Variants in PPDPFL observed in about 807,000 individuals in gnomAD.
The protein encoded by PPDPFL is pancreatic progenitor cell differentiation and proliferation factor-like protein.
A neutral mutation model predicts 12.6 loss-of-function variants in PPDPFL; 12 were observed. That is an observed-to-expected ratio of 0.95 (90% confidence interval 0.61 to 1.54). PPDPFL has a LOEUF of 1.54. Among genes scored for constraint, PPDPFL ranks in the 40% most tolerant of loss-of-function variants. The pLI is 0.00. For missense variants in PPDPFL, 114 were observed against 96.0 expected, an observed-to-expected ratio of 1.19 and a Z score of -0.78; for synonymous variants, 24 against 32.7, an observed-to-expected ratio of 0.73 and a Z score of 0.91.
Position 49,075,316 on chromosome 8 carries a change from G to A in PPDPFL, c.*143G>A. On this transcript the variant is annotated 3_prime_UTR_variant, in exon 5 of 5. Transcript: ENST00000522267. ...TGAACAGCTCCCCTTCAGCGCCCCA[G>A]CTATTCCAGGACTCTTCTCCATTGT... 1 of 1,528,714 alleles carries A rather than the reference G, an allele frequency of 6.5e-7. No homozygotes were observed. The allele number at this position is 1,528,714 out of a possible 1,614,324, so 94.7% of individuals were successfully genotyped here.
upstream of PPDPFL, among the ~76,000 whole-genome samples, chr8:49,070,838 TATC>T (rs1479747004): frequency 6.6e-6 from 1 of 152,188 alleles, no homozygotes; most frequent in East Asian, 1.9e-4. Context: ...AACACAGCCA[TATC>T]ATATGGTTCT....
chr8:49,056,959 GCA>G (rs1417463608), intron 1 of PPDPFL, among the ~76,000 whole-genome samples: 1 of 152,164 alleles, frequency 6.6e-6, no homozygotes, highest in Non-Finnish European at 1.5e-5. Context: ...ATTTGATGAT[GCA>G]CAGATACCCC....
chr8:49,059,617 C>T (rs1193037752), intron 1 of PPDPFL, among the ~76,000 whole-genome samples: 3 of 152,130 alleles, frequency 2.0e-5, no homozygotes, highest in Admixed American at 6.6e-5. Context: ...ACCTAAAATT[C>T]CATACCTCTT....
upstream of PPDPFL, among the ~76,000 whole-genome samples, chr8:49,068,532 C>T (rs2137013): frequency 0.52 from 79,422 of 151,974 alleles, 21,894 homozygotes; most frequent in East Asian, 0.84. Flanking sequence ...CAAGACTTCA[C>T]AGTAATCATG....
chr8:49,074,411 T>C (rs1236141776), intron 4 of PPDPFL, 78 bp downstream of exon 4: 7 of 1,575,194 alleles, frequency 4.4e-6, no homozygotes, highest in Non-Finnish European at 6.1e-6. Flanking sequence ...GTTATGCTAC[T>C]CACTTAGGGT....
intron 1 of PPDPFL, among the ~76,000 whole-genome samples, chr8:49,062,785 G>A (rs1437556845): frequency 1.3e-5 from 2 of 152,154 alleles, no homozygotes; most frequent in Non-Finnish European, 2.9e-5. Context: ...GGTCTCAAGA[G>A]CATTGCTTCA....
At chr8:49,062,534 A>T (rs938316278) in intron 1 of PPDPFL, among the ~76,000 whole-genome samples, 3 of 152,198 alleles carry the variant, frequency 2.0e-5, no homozygotes, top group Admixed American at 6.5e-5. Context: ...AGTTTCACTG[A>T]GAAAATCAGT....
At chr8:49,056,167 C>T (rs1808109609) in intron 1 of PPDPFL, among the ~76,000 whole-genome samples, 1 of 152,172 alleles carries the variant, frequency 6.6e-6, no homozygotes, top group African/African-American at 2.4e-5. Context: ...TTGTTCTCTA[C>T]TGACTTCTCT....
At chr8:49,069,674 C>T (rs192841101), upstream of PPDPFL, among the ~76,000 whole-genome samples, 60 of 152,268 alleles carry the variant, frequency 3.9e-4, no homozygotes, top group Admixed American at 3.4e-3. Flanking sequence ...ATCATAAAGA[C>T]GCCTGTAATC....
chr8:49,055,476 C>A (rs536101731), intron 1 of PPDPFL, among the ~76,000 whole-genome samples: 4 of 152,302 alleles, frequency 2.6e-5, no homozygotes, highest in African/African-American at 9.6e-5. Flanking sequence ...GTCCTGGTCT[C>A]AGCCTTTTGT....
Position 49,075,166 on chromosome 8 carries a change from C to G in PPDPFL, c.248C>G (p.Thr83Ser), listed in dbSNP as rs1563302530. The change falls in exon 5 of 5, where the codon ACT becomes AGT. Residue 83 changes from threonine to serine, a missense_variant. Transcript: ENST00000522267. ...DLSATGLQMS[T>S]L ...AATCAACCCAGATTACAGATGAGCA[C>G]TTTGTAGCTGATCATCTTTGCACTG... 1 of 1,613,090 alleles carries G rather than the reference C, an allele frequency of 6.2e-7. No individual in the cohort carries two copies. The highest frequency in any genetic ancestry group is 1.7e-5 in the Admixed American group (1 of 60,022).
intron 1 of PPDPFL, among the ~76,000 whole-genome samples, chr8:49,058,977 G>C (rs971955204): frequency 2.6e-5 from 4 of 152,310 alleles, no homozygotes; most frequent in Non-Finnish European, 5.9e-5. Flanking sequence ...GCTTGGAACA[G>C]TATATTGCAC....
Position 49,074,040 on chromosome 8 carries a change from T to A in PPDPFL, c.56-19T>A, listed in dbSNP as rs753669373. Reference sequence around the variant, plus strand: ...GGTTGCCAGTTATTTATTTGTTTAATATCATTTGTTTCCTACAGAGTCCAG... The same window carrying A: ...GGTTGCCAGTTATTTATTTGTTTAAAATCATTTGTTTCCTACAGAGTCCAG... On this transcript the variant is annotated intron_variant, in intron 2 of 4. Transcript: ENST00000522267. The A allele has an allele frequency of 7.1e-6, 11 of 1,556,496 alleles. No individual in the cohort carries two copies. The highest frequency in any genetic ancestry group is 9.7e-6 in the Non-Finnish European group (11 of 1,131,816).
intron 1 of PPDPFL, among the ~76,000 whole-genome samples, chr8:49,059,680 T>C (rs1240599989): frequency 6.6e-6 from 1 of 152,250 alleles, no homozygotes; most frequent in Non-Finnish European, 1.5e-5. Context: ...GTAATAATAC[T>C]TTAGAAAATT....
intron 1 of PPDPFL, among the ~76,000 whole-genome samples, chr8:49,063,565 C>G (rs967211006): frequency 6.6e-5 from 10 of 152,036 alleles, no homozygotes; most frequent in Middle Eastern, 6.8e-3. Context: ...ACAAAAAATA[C>G]AAAAATTAGC....
chr8:49,074,348 T>A lies in PPDPFL; in HGVS notation c.233+15T>A. On this transcript the variant is annotated intron_variant, in intron 4 of 4. Transcript: ENST00000522267. ...TCTGCTACTGGGTGAGTTTTAGCCT[T>A]CTCTGGTAAGGGCAGTTCTTACTTA... 1 of 1,611,060 alleles carries A rather than the reference T, an allele frequency of 6.2e-7. No homozygotes were observed. Among genetic ancestry groups the A allele is most frequent in the African/African-American group, 1.3e-5 (1 of 75,014 alleles).
At chr8:49,060,994 G>A (rs993295135) in intron 1 of PPDPFL, among the ~76,000 whole-genome samples, 2 of 152,044 alleles carry the variant, frequency 1.3e-5, no homozygotes, top group African/African-American at 2.4e-5. Flanking sequence ...TCCTCATGGA[G>A]CCCAGCGAGA....
At chr8:49,062,728 G>A (rs1336011280) in intron 1 of PPDPFL, among the ~76,000 whole-genome samples, 1 of 152,156 alleles carries the variant, frequency 6.6e-6, no homozygotes, top group African/African-American at 2.4e-5. Context: ...CTGCACACAG[G>A]GAGATGGCTT....
In PPDPFL at chr8:49,076,062, T is replaced by C. The variant is rs1808495347; in HGVS notation, c.*889T>C. ...TAATATGACAAGTATTGTGCGTAATTAGAAAATAATAAATGTTAATATAAA... is the reference window on the plus strand; with the variant it reads ...TAATATGACAAGTATTGTGCGTAATCAGAAAATAATAAATGTTAATATAAA... On this transcript the variant is annotated 3_prime_UTR_variant, in exon 5 of 5. Coordinates refer to ENST00000522267, the MANE Select transcript of PPDPFL (RefSeq NM_001256597.2). The C allele has an allele frequency of 6.6e-6, 1 of 152,186 alleles. No individual in the cohort carries two copies. The highest frequency in any genetic ancestry group is 1.5e-5 in the Non-Finnish European group (1 of 68,040). The allele number at this position is 152,186 out of a possible 1,614,324, so 9.4% of individuals were successfully genotyped here.
Sources: gnomAD v4.1 joint callset for allele counts (sites outside exome capture counted in the v4.1 genomes callset) on GRCh38, gnomAD v4.1.1 for gene constraint, MANE v1.5 for transcripts, NCBI Gene and HGNC (gene_info 2026-07-23, HGNC 2026-07-21) for gene names.